Variants in CDC25B observed in about 807,000 individuals in gnomAD.
CDC25B encodes M-phase inducer phosphatase 2.
A neutral mutation model predicts 69.8 loss-of-function variants in CDC25B; 33 were observed. The observed-to-expected ratio is 0.47, with a 90% confidence interval of 0.36 to 0.63. CDC25B has a LOEUF of 0.63. Ranked by LOEUF, CDC25B falls within the 30% of genes least tolerant of loss-of-function variation. The pLI, the probability that CDC25B is intolerant of heterozygous loss-of-function variation, is 0.00. For missense variants in CDC25B, 727 were observed against 809.1 expected, an observed-to-expected ratio of 0.90 and a Z score of 1.23; for synonymous variants, 341 against 314.6, an observed-to-expected ratio of 1.08 and a Z score of -0.89.
chr20:3,787,211 T>A, intron 1 of CDC25B: 1 of 634,254 alleles, frequency 1.6e-6, no homozygotes, highest in Non-Finnish European at 2.8e-6. Context: ...AAATTTATTA[T>A]ATAAAACTGG....
At chr20:3,795,658 C>G, upstream of CDC25B, 1 of 958,850 alleles carries the variant, frequency 1.0e-6, no homozygotes, top group Non-Finnish European at 1.2e-6. Flanking sequence ...TGGGGTCCCG[C>G]GAAAGAGCCC....
chr20:3,801,916 C>T lies in CDC25B; in HGVS notation c.922-8C>T, dbSNP rs1459095453. ...GCACCCTGATCCCTAACCTGCTGTC[C>T]CTGCCAGGACCTCGTCATGTACAGC... On this transcript the variant is annotated splice_polypyrimidine_tract_variant and splice_region_variant and intron_variant, in intron 9 of 15. Coordinates refer to ENST00000245960, the MANE Select transcript of CDC25B (RefSeq NM_021873.4). The T allele has an allele frequency of 5.0e-6, 8 of 1,604,580 alleles. No homozygotes were observed. Among genetic ancestry groups the T allele is most frequent in the Non-Finnish European group, 6.8e-6 (8 of 1,173,952 alleles).
intron 1 of CDC25B, among the ~76,000 whole-genome samples, chr20:3,788,284 G>A (rs995633288): frequency 7.9e-5 from 12 of 152,206 alleles, no homozygotes; most frequent in African/African-American, 2.9e-4. Context: ...GCAAATTTCT[G>A]TTTTCGTATG....
Position 3,797,651 on chromosome 20 carries a change from T to C in CDC25B, c.230T>C (p.Leu77Pro), listed in dbSNP as rs2089109075. The C allele has an allele frequency of 1.2e-6, 2 of 1,614,168 alleles. No homozygotes were observed. The highest frequency in any genetic ancestry group is 1.3e-5 in the African/African-American group (1 of 75,070). The change falls in exon 2 of 16, where the codon CTG becomes CCG. Residue 77 changes from leucine to proline, a missense_variant. By Grantham distance (98) the Leu-to-Pro change is moderately conservative. Around this residue, in one of 2 missense-constraint regions of CDC25B, gnomAD observed 368 missense variants for 345.6 expected, o/e 1.06. Transcript: ENST00000245960. The part of the protein sequence containing the change: ...SETPKSQVGT[L>P]LFRSRSRLTH... Reference sequence around the variant, plus strand: ...ACCCCAAAGAGTCAGGTAGGGACCCTGCTCTTCCGCAGCCGCAGCCGCCTG... The same window carrying C: ...ACCCCAAAGAGTCAGGTAGGGACCCCGCTCTTCCGCAGCCGCAGCCGCCTG...
In CDC25B at chr20:3,803,652, C is replaced by A; in HGVS notation, c.1490+115C>A. ...GGTGCAAGTCCAGGTCCTCCTCTGT[C>A]CCATCTGATGGCCTAGAGCTGACCT... On this transcript the variant is annotated intron_variant, in intron 14 of 15. Transcript: ENST00000245960. This position sits in a 1 kb window ranked among gnomAD's most constrained non-coding sequence, Gnocchi z 4.9. The A allele has an allele frequency of 7.5e-7, 1 of 1,329,094 alleles. No individual in the cohort carries two copies. The highest frequency in any genetic ancestry group is 1.3e-5 in the South Asian group (1 of 78,084). The allele number at this position is 1,329,094 out of a possible 1,614,324, so 82.3% of individuals were successfully genotyped here.
chr20:3,800,194 T>G, intron 3 of CDC25B, 94 bp from the exon 4 acceptor site: 1 of 1,274,490 alleles, frequency 7.8e-7, no homozygotes, highest in Non-Finnish European at 1.1e-6. Context: ...CCCTTGTCTT[T>G]GCCCTTACTC....
chr20:3,789,806 G>A (rs1475668450), intron 1 of CDC25B, among the ~76,000 whole-genome samples: 8 of 152,270 alleles, frequency 5.3e-5, no homozygotes, highest in East Asian at 3.9e-4. Flanking sequence ...TGGCTAACAC[G>A]GTGGAACCCC....
At position 3,797,659 on chromosome 20, in the gene CDC25B, C is replaced by G. The variant is rs750367173; in HGVS notation, c.238C>G (p.Arg80Gly). The change falls in exon 2 of 16, where the codon CGC becomes GGC. Residue 80 changes from arginine (R) to glycine (G), a missense_variant. Arg to Gly is a moderately radical substitution (Grantham distance 125). This residue lies in a region of CDC25B where 368 missense variants were observed against 345.6 expected (regional missense o/e 1.06). Coordinates refer to ENST00000245960, the MANE Select transcript of CDC25B (RefSeq NM_021873.4). ...PKSQVGTLLF[R>G]SRSRLTHLSL... ...GAGTCAGGTAGGGACCCTGCTCTTC[C>G]GCAGCCGCAGCCGCCTGACGCACCT... The G allele has an allele frequency of 1.5e-5, 25 of 1,614,000 alleles. No homozygotes were observed. The highest frequency in any genetic ancestry group is 2.0e-5 in the Non-Finnish European group (24 of 1,180,022).
rs1216113082 is a variant in CDC25B, at chr20:3,804,856, C to T, written c.1638C>T (p.Asn546=). The T allele has an allele frequency of 7.4e-6, 12 of 1,614,028 alleles. No individual in the cohort carries two copies. The highest frequency in any genetic ancestry group is 1.0e-5 in the Non-Finnish European group (12 of 1,180,018). Residue 546 remains asparagine (N), a synonymous_variant, in exon 16 of 16, where the codon AAC becomes AAT. Coordinates refer to ENST00000245960, the MANE Select transcript of CDC25B (RefSeq NM_021873.4). ...FCEPQDYRPM[N]HEAFKDELKT... ...AACCCCAGGACTACCGGCCCATGAA[C>T]CACGAGGCCTTCAAGGATGAGCTAA...
In CDC25B at chr20:3,803,359, A is replaced by C; in HGVS notation, c.1357-45A>C. 1 of 1,611,930 alleles carries C rather than the reference A, an allele frequency of 6.2e-7. No homozygotes were observed. The highest frequency in any genetic ancestry group is 8.5e-7 in the Non-Finnish European group (1 of 1,179,204). Reference sequence around the variant, plus strand: ...CAGCGACTGCACGGGGAGGGCCCTGACTCCTGGACCCGGGGCTGTGCCTGA... The same window carrying C: ...CAGCGACTGCACGGGGAGGGCCCTGCCTCCTGGACCCGGGGCTGTGCCTGA... On this transcript the variant is annotated intron_variant, in intron 13 of 15. Transcript: ENST00000245960. The surrounding 1 kb of genome is among the most constrained non-coding windows in gnomAD (Gnocchi z 4.9).
At position 3,800,965 on chromosome 20, in the gene CDC25B, C is replaced by T. The variant is rs754985027; in HGVS notation, c.583-6C>T. 1 of 1,613,956 alleles carries T rather than the reference C, an allele frequency of 6.2e-7. No homozygotes were observed. Among genetic ancestry groups the T allele is most frequent in the South Asian group, 1.1e-5 (1 of 91,074 alleles). On this transcript the variant is annotated splice_polypyrimidine_tract_variant and splice_region_variant and intron_variant, in intron 6 of 15. Coordinates refer to ENST00000245960, the MANE Select transcript of CDC25B (RefSeq NM_021873.4). ...TGAGGACCCTCCTCTCCCATCTTGGCTGCAGGATGGATTTGTCTTCAAGAT... is the reference window on the plus strand; with the variant it reads ...TGAGGACCCTCCTCTCCCATCTTGGTTGCAGGATGGATTTGTCTTCAAGAT...
intron 1 of CDC25B, among the ~76,000 whole-genome samples, chr20:3,797,374 C>T (rs2089095426): frequency 6.6e-6 from 1 of 152,212 alleles, no homozygotes; most frequent in Non-Finnish European, 1.5e-5. Flanking sequence ...TTGCTCACAC[C>T]CTGGGCTCAC....
intron 1 of CDC25B, chr20:3,787,150 G>A: frequency 3.0e-6 from 2 of 657,810 alleles, no homozygotes; most frequent in Non-Finnish European, 5.4e-6. Context: ...GTAACATTTT[G>A]ATACATTTCC....
chr20:3,804,452 C>G, intron 14 of CDC25B, 117 bp from the exon 15 acceptor site: 1 of 697,318 alleles, frequency 1.4e-6, no homozygotes, highest in South Asian at 1.7e-5. Flanking sequence ...TTCCTGTGCT[C>G]TAAAGCTTTC....
rs1437079853 is a variant in CDC25B, at chr20:3,796,594, T to C, written c.63T>C (p.Gly21=). ...GSALSPAGVC[G]GAQRPGHLPG... Reference sequence around the variant, plus strand: ...CTCTCAGTCCAGCAGGCGTGTGCGGTGGCGCCCAGCGTCCGGGCCACCTCC... The same window carrying C: ...CTCTCAGTCCAGCAGGCGTGTGCGGCGGCGCCCAGCGTCCGGGCCACCTCC... Residue 21 remains glycine, a synonymous_variant, in exon 1 of 16, where the codon GGT becomes GGC. Transcript: ENST00000245960. The C allele has an allele frequency of 1.4e-6, 2 of 1,443,554 alleles. No homozygotes were observed. Among genetic ancestry groups the C allele is most frequent in the Admixed American group, 2.7e-5 (1 of 36,866 alleles). The allele number at this position is 1,443,554 out of a possible 1,614,324, so 89.4% of individuals were successfully genotyped here. A position where few individuals can be genotyped will look rare whatever the true frequency, so the allele number is the denominator to read the frequency against.
intron 1 of CDC25B, chr20:3,787,236 G>A: frequency 1.7e-6 from 1 of 574,542 alleles, no homozygotes; most frequent in African/African-American, 1.9e-5. Flanking sequence ...AGACTGTATA[G>A]ACTGTATATC....
exon 1 of CDC25B, chr20:3,786,970 A>G (rs1831640055): frequency 3.8e-6 from 2 of 530,134 alleles, no homozygotes; most frequent in Admixed American, 3.9e-5. Flanking sequence ...GTGCATCGCT[A>G]CTGCGCCCGG....
rs201110552 is a variant in CDC25B at position 3,803,080 on chromosome 20, C to T, written c.1258-28C>T. On this transcript the variant is annotated intron_variant, in intron 12 of 15. Coordinates refer to ENST00000245960, the MANE Select transcript of CDC25B (RefSeq NM_021873.4). The surrounding 1 kb of genome is among the most constrained non-coding windows in gnomAD (Gnocchi z 4.9). ...CCTGCCAGCTGCCAGCCTGACCTGC[C>T]GGAACCAACCCCCATGACCTCCTAC... The T allele has an allele frequency of 3.1e-5, 49 of 1,605,356 alleles. No individual in the cohort carries two copies. In the Middle Eastern group the frequency reaches 6.6e-4, roughly 22 times the overall value.
At chr20:3,802,595 T>C (rs1217119814) in intron 11 of CDC25B, 2 of 600,336 alleles carry the variant, frequency 3.3e-6, no homozygotes, top group Non-Finnish European at 5.9e-6. Context: ...CTGTTGAGTC[T>C]CCGTCTTATT....
Sources: allele counts gnomAD v4.1 joint callset (sites outside exome capture counted in the v4.1 genomes callset), GRCh38; gene constraint gnomAD v4.1.1; regional missense constraint gnomAD v4.1.1; non-coding constraint Gnocchi (gnomAD v3.1); transcripts MANE v1.5; gene names NCBI Gene and HGNC (gene_info 2026-07-23, HGNC 2026-07-21).